LAMA1: variants seen among roughly 807,000 people sequenced by gnomAD.
LAMA1 encodes laminin subunit alpha 1, also known as laminin subunit alpha-1.
LAMA1 carries 219 observed loss-of-function variants against 348.7 expected under a neutral mutation model. That is an observed-to-expected ratio of 0.63 (90% confidence interval 0.56 to 0.70). The LOEUF (loss-of-function observed/expected upper bound fraction) is 0.70, where lower values mean the gene tolerates loss of function less well. Ranked by LOEUF, LAMA1 falls within the 30% of genes least tolerant of loss-of-function variation. LAMA1 has a pLI of 0.00. For missense variants in LAMA1, 3,744 were observed against 3,888.0 expected (o/e 0.96, Z 0.99); for synonymous variants, 1,487 against 1,491.0 (o/e 1.00, Z 0.06).
Position 7,034,522 on chromosome 18 carries a change from A to G in LAMA1, c.2008T>C (p.Leu670=). 6.2e-7 allele frequency: 1 copy of G among 1,614,146 alleles called. No individual in the cohort carries two copies. The highest frequency in any genetic ancestry group is 1.1e-5 in the South Asian group (1 of 91,076). Residue 670 remains leucine, a synonymous_variant, in exon 14 of 63, where the codon TTG becomes CTG. Coordinates refer to ENST00000389658, the MANE Select transcript of LAMA1 (RefSeq NM_005559.4). Reference sequence around the variant, plus strand: ...GCAGAATTGTAGTTGGCTCTGATCAAAAGATGTGTCACATTGGCAAGGACA... The same window carrying G: ...GCAGAATTGTAGTTGGCTCTGATCAGAAGATGTGTCACATTGGCAAGGACA... ...MTVLANVTHL[L]IRANYNSAKM...
chr18:7,103,994 G>A (rs2058301838), intron 1 of LAMA1, among the ~76,000 whole-genome samples: 3 of 151,786 alleles, frequency 2.0e-5, no homozygotes, highest in Admixed American at 1.3e-4. Context: ...GTTTGTTTTT[G>A]TTTTGAGATG....
chr18:7,100,122 G>C (rs985001366), intron 1 of LAMA1, among the ~76,000 whole-genome samples: 2 of 145,882 alleles, frequency 1.4e-5, no homozygotes, highest in Non-Finnish European at 3.0e-5. Context: ...CAAATCACAT[G>C]TCTGATAAAG....
rs541130466 is a variant in LAMA1, at chr18:7,069,790, C to A, written c.345+10185G>T. Among the ~76,000 whole-genome samples the A allele has an allele frequency of 7.2e-5, 11 of 151,828 alleles. 1 individual carries two copies. The highest frequency in any genetic ancestry group is 5.9e-5 in the Non-Finnish European group (4 of 67,930). On this transcript the variant is annotated intron_variant, in intron 3 of 62. Transcript: ENST00000389658. ...GCTGGTCTGGCACCCTCTTCCCCAG[C>A]TGCCCCAAACCCCCTCCTCCAGCTG...
At chr18:6,962,085 C>A (rs762347501) in intron 51 of LAMA1, 26 bp from the exon 52 acceptor site, 2 of 1,561,938 alleles carry the variant, frequency 1.3e-6, no homozygotes, top group Admixed American at 3.3e-5. Flanking sequence ...TGAGAACAAT[C>A]ACAAAATTTG....
At chr18:6,995,261 C>T (rs1359208894) in intron 34 of LAMA1, 96 bp downstream of exon 34, 1 of 832,000 alleles carries the variant, frequency 1.2e-6, no homozygotes, top group East Asian at 2.4e-5. Flanking sequence ...CTGGCATGAT[C>T]TAATCAGAAC....
intron 3 of LAMA1, 63 bp downstream of exon 3, chr18:7,079,912 G>T: frequency 8.6e-7 from 1 of 1,162,688 alleles, no homozygotes; most frequent in Non-Finnish European, 1.3e-6. Flanking sequence ...TTTCCCAAAG[G>T]TCATCAGAAG....
chr18:7,110,557 C>T (rs887632711), intron 1 of LAMA1, among the ~76,000 whole-genome samples: 1 of 152,166 alleles, frequency 6.6e-6, no homozygotes, highest in African/African-American at 2.4e-5. Context: ...CATGGTGGCT[C>T]ATTCCTGTAA....
intron 36 of LAMA1, among the ~76,000 whole-genome samples, chr18:6,990,737 G>C (rs1040566151): frequency 6.6e-6 from 1 of 152,016 alleles, no homozygotes; most frequent in Non-Finnish European, 1.5e-5. Flanking sequence ...AAAGGCCCTC[G>C]ATGTCTCCGA....
intron 12 of LAMA1, 103 bp downstream of exon 12, chr18:7,037,475 A>G: frequency 7.8e-7 from 1 of 1,287,196 alleles, no homozygotes; most frequent in Non-Finnish European, 1.1e-6. Context: ...TCCAACACTC[A>G]GGTGCCCTAT....
At chr18:7,116,810 TTC>T (rs928060531) in intron 1 of LAMA1, among the ~76,000 whole-genome samples, 2 of 149,678 alleles carry the variant, frequency 1.3e-5, no homozygotes, top group South Asian at 2.1e-4. Flanking sequence ...TCTCTTTCTT[TTC>T]TCTTTCTCTC....
At position 6,965,440 on chromosome 18, in the gene LAMA1, A is replaced by C. The variant is rs150737889; in HGVS notation, c.7051-8T>G. The C allele has an allele frequency of 7.4e-4, 1,197 of 1,614,146 alleles. 11 individuals are homozygous for C. The African/African-American group carries it at 0.015, about 20-fold the overall frequency. ...GATGGATAAAAAGTCTTTCTGTAAA[A>C]AAGAGAACACAGTTCCCCAGGTTAT... On this transcript the variant is annotated splice_region_variant and splice_polypyrimidine_tract_variant and intron_variant, in intron 49 of 62. Coordinates refer to ENST00000389658, the MANE Select transcript of LAMA1 (RefSeq NM_005559.4).
intron 61 of LAMA1, among the ~76,000 whole-genome samples, chr18:6,944,671 A>G (rs2057514393): frequency 6.6e-6 from 1 of 152,210 alleles, no homozygotes; most frequent in African/African-American, 2.4e-5. Context: ...TAAGTCAAAG[A>G]GACAGGCCTC....
At chr18:6,963,605 G>A (rs1218292109) in intron 51 of LAMA1, among the ~76,000 whole-genome samples, 2 of 152,156 alleles carry the variant, frequency 1.3e-5, no homozygotes, top group Non-Finnish European at 2.9e-5. Flanking sequence ...CACATAAGAG[G>A]AGTCTATGAA....
At chr18:6,995,647 T>C (rs995724817) in intron 33 of LAMA1, among the ~76,000 whole-genome samples, 2 of 152,224 alleles carry the variant, frequency 1.3e-5, no homozygotes, top group African/African-American at 4.8e-5. Flanking sequence ...CTTTGCATTA[T>C]ATTTCTGATA....
chr18:7,110,352 A>G, intron 1 of LAMA1, among the ~76,000 whole-genome samples: 1 of 152,192 alleles, frequency 6.6e-6, no homozygotes, highest in Admixed American at 6.5e-5. Flanking sequence ...ATACAGAAAA[A>G]GAAAAACAGA....
At chr18:6,964,437 C>G (rs759870516) in intron 51 of LAMA1, among the ~76,000 whole-genome samples, 10 of 152,272 alleles carry the variant, frequency 6.6e-5, no homozygotes, top group South Asian at 2.1e-4. Context: ...CAAGGAATCC[C>G]TGAGGCGACC....
chr18:6,966,425 G>A (rs1354947976), intron 48 of LAMA1, 128 bp from the exon 49 acceptor site: 5 of 798,546 alleles, frequency 6.3e-6, no homozygotes, highest in South Asian at 3.0e-5. Flanking sequence ...CATAACAAGT[G>A]TAGATGATAA....
At chr18:7,077,199 C>CTTTTTT (rs71165719) in intron 3 of LAMA1, among the ~76,000 whole-genome samples, 89 of 119,750 alleles carry the variant, frequency 7.4e-4, no homozygotes, top group African/African-American at 1.3e-3. Context: ...CTGTTCTTTT[C>CTTTTTT]TTTTTTTTTT....
intron 40 of LAMA1, 115 bp downstream of exon 40, chr18:6,982,984 T>A: frequency 7.4e-7 from 1 of 1,355,240 alleles, no homozygotes; most frequent in Non-Finnish European, 1.1e-6. Flanking sequence ...CAGAAACAGA[T>A]TCCACCAGAA....
Sources: gnomAD v4.1 joint callset for allele counts (sites outside exome capture counted in the v4.1 genomes callset) on GRCh38, gnomAD v4.1.1 for gene constraint, MANE v1.5 for transcripts, NCBI Gene and HGNC (gene_info 2026-07-23, HGNC 2026-07-21) for gene names.